The following SNX29 variants were observed in gnomAD, a reference collection of about 807,000 sequenced individuals.
SNX29 encodes sorting nexin 29, also known as sorting nexin-29.
In SNX29, 78 loss-of-function variants were observed where a neutral mutation model predicts 102.1. The observed-to-expected ratio is 0.76, with a 90% CI of 0.64 to 0.92. The LOEUF is 0.92. Ranked by LOEUF, SNX29 falls within the 40% of genes least tolerant of loss-of-function variation. SNX29 has a pLI of 0.00. For missense variants in SNX29, 1,280 were observed against 1,061.7 expected, an observed-to-expected ratio of 1.21 and a Z score of -2.86; for synonymous variants, 580 against 414.5, an observed-to-expected ratio of 1.40 and a Z score of -4.85.
intron 17 of SNX29, among the ~76,000 whole-genome samples, chr16:12,398,854 AG>A (rs68137087): frequency 0.19 from 28,964 of 152,060 alleles, 3,157 homozygotes; most frequent in African/African-American, 0.28. Flanking sequence ...CCCTTTGCAC[AG>A]GGGCATGTGC....
At chr16:12,012,775 C>G (rs2056696404) in intron 3 of SNX29, among the ~76,000 whole-genome samples, 1 of 152,050 alleles carries the variant, frequency 6.6e-6, no homozygotes, top group African/African-American at 2.4e-5. Context: ...TATGTTCCAT[C>G]TGAGCCAGAG....
At chr16:12,003,553 C>T (rs182052597) in intron 3 of SNX29, among the ~76,000 whole-genome samples, 6 of 152,200 alleles carry the variant, frequency 3.9e-5, no homozygotes, top group Admixed American at 1.3e-4. Context: ...AAATTCTATG[C>T]GTATGGAGTG....
chr16:12,540,549 C>T (rs949914185), intron 20 of SNX29, among the ~76,000 whole-genome samples: 4 of 152,208 alleles, frequency 2.6e-5, no homozygotes, highest in Admixed American at 1.3e-4. Context: ...CTGGCAGCCA[C>T]CCTATGCCAT....
intron 20 of SNX29, among the ~76,000 whole-genome samples, chr16:12,568,213 C>T (rs369466375): frequency 6.6e-6 from 1 of 151,418 alleles, no homozygotes; most frequent in Non-Finnish European, 1.5e-5. Flanking sequence ...CTAGAACATT[C>T]TTTCATAGCC....
chr16:12,565,824 C>T (rs920782392), intron 20 of SNX29, among the ~76,000 whole-genome samples: 5 of 152,178 alleles, frequency 3.3e-5, no homozygotes, highest in African/African-American at 1.2e-4. Context: ...CACTTCTGGT[C>T]ACCCTCCACA....
At chr16:12,423,237 C>T (rs2084936541) in intron 18 of SNX29, among the ~76,000 whole-genome samples, 1 of 151,998 alleles carries the variant, frequency 6.6e-6, no homozygotes, top group Non-Finnish European at 1.5e-5. Flanking sequence ...CTTATTATTC[C>T]CATGCCGCAG....
intron 11 of SNX29, among the ~76,000 whole-genome samples, chr16:12,085,948 A>C (rs201519606): frequency 6.6e-6 from 1 of 151,980 alleles, no homozygotes; most frequent in Non-Finnish European, 1.5e-5. Context: ...TAGCTATAGT[A>C]AGTGGTGAAT....
At chr16:12,457,006 T>C (rs576606299) in intron 18 of SNX29, among the ~76,000 whole-genome samples, 2 of 152,186 alleles carry the variant, frequency 1.3e-5, no homozygotes, top group Non-Finnish European at 2.9e-5. Flanking sequence ...TACTCGAGGC[T>C]TCCTTTGCCA....
chr16:12,409,638 C>T (rs1398480323), intron 18 of SNX29, among the ~76,000 whole-genome samples: 2 of 151,892 alleles, frequency 1.3e-5, no homozygotes, highest in Non-Finnish European at 2.9e-5. Flanking sequence ...ACCGTGTTAG[C>T]CAGGATGGTC....
chr16:12,207,881 A>G (rs1053295385), intron 14 of SNX29, among the ~76,000 whole-genome samples: 18 of 152,220 alleles, frequency 1.2e-4, no homozygotes, highest in African/African-American at 4.1e-4. Flanking sequence ...ACTCTGCTAG[A>G]CCTTGTGACC....
intron 11 of SNX29, chr16:12,081,691 A>AAAAAAAAAAAAAAAAAAAAAAAAAAAAAG (rs1555456660): frequency 1.1e-5 from 1 of 88,910 alleles, no homozygotes; most frequent in Admixed American, 1.2e-4. Flanking sequence ...AAAAAAAAAA[A>AAAAAAAAAAAAAAAAAAAAAAAAAAAAAG]AAAAGAAAAG....
intron 1 of SNX29, among the ~76,000 whole-genome samples, chr16:11,994,552 A>G (rs1253118127): frequency 6.6e-6 from 1 of 152,206 alleles, no homozygotes; most frequent in Non-Finnish European, 1.5e-5. Context: ...GCCACTTCCC[A>G]TGAGTCTAGC....
At chr16:12,471,994 T>A (rs1208846004) in intron 18 of SNX29, among the ~76,000 whole-genome samples, 3 of 152,222 alleles carry the variant, frequency 2.0e-5, no homozygotes, top group Non-Finnish European at 4.4e-5. Flanking sequence ...CACACGCAAA[T>A]GTTCATAGTT....
chr16:12,539,105 C>T (rs934900930), intron 20 of SNX29, among the ~76,000 whole-genome samples: 2 of 152,142 alleles, frequency 1.3e-5, no homozygotes, highest in Admixed American at 6.5e-5. Context: ...GTCCTACTTG[C>T]CTTTACTTTC....
chr16:12,259,987 T>C (rs2078686772), intron 14 of SNX29, among the ~76,000 whole-genome samples: 1 of 152,176 alleles, frequency 6.6e-6, no homozygotes, highest in Non-Finnish European at 1.5e-5. Context: ...CTCCTGCTGA[T>C]GCGCGGCCAC....
intron 15 of SNX29, among the ~76,000 whole-genome samples, chr16:12,281,953 A>G (rs2079444455): frequency 6.6e-6 from 1 of 151,852 alleles, no homozygotes; most frequent in Admixed American, 6.6e-5. Context: ...TCATGGTGGC[A>G]TATGTCTATA....
At chr16:12,202,478 A>C (rs1272885596) in intron 14 of SNX29, among the ~76,000 whole-genome samples, 2 of 152,192 alleles carry the variant, frequency 1.3e-5, no homozygotes. Flanking sequence ...ACCTCAGGGC[A>C]AATTCTTCAT....
intron 11 of SNX29, among the ~76,000 whole-genome samples, chr16:12,113,381 A>G (rs908253152): frequency 1.3e-5 from 2 of 152,068 alleles, no homozygotes; most frequent in African/African-American, 2.4e-5. Flanking sequence ...TCCTGACTAC[A>G]TGGCTCCTGT....
intron 15 of SNX29, among the ~76,000 whole-genome samples, chr16:12,338,681 G>A (rs980564047): frequency 6.6e-6 from 1 of 152,152 alleles, no homozygotes; most frequent in Non-Finnish European, 1.5e-5. Context: ...ATCAGAAATG[G>A]CTAGCTTGAT....
Sources: allele counts gnomAD v4.1 joint callset (sites outside exome capture counted in the v4.1 genomes callset), GRCh38; gene constraint gnomAD v4.1.1; transcripts MANE v1.5; gene names NCBI Gene and HGNC (gene_info 2026-07-23, HGNC 2026-07-21).